DOK5: variants seen among roughly 807,000 people sequenced by gnomAD.
DOK5 encodes the protein downstream of tyrosine kinase 5.
DOK5 carries 27 observed loss-of-function variants against 43.3 expected under a neutral mutation model. The observed-to-expected ratio is 0.62, with a 90% CI of 0.46 to 0.86. The LOEUF is 0.86. Among genes scored for constraint, DOK5 ranks in the 40% least tolerant of loss-of-function variants. DOK5 has a pLI of 0.00. For synonymous variants in DOK5, 146 were observed against 140.1 expected (o/e 1.04, Z -0.30); for missense variants, 373 against 392.9 (o/e 0.95, Z 0.43).
intron 5 of DOK5, among the ~76,000 whole-genome samples, chr20:54,607,641 C>T (rs376328075): frequency 1.3e-5 from 2 of 151,620 alleles, no homozygotes; most frequent in East Asian, 3.9e-4. Context: ...AATCCCAGCA[C>T]TTTGGGAGGC....
intron 1 of DOK5, among the ~76,000 whole-genome samples, chr20:54,539,669 A>G (rs1047110408): frequency 5.3e-5 from 8 of 152,200 alleles, no homozygotes; most frequent in African/African-American, 1.4e-4. Context: ...ATCAGACGCC[A>G]TGAGCCACAG....
chr20:54,608,132 G>T (rs926290802), intron 5 of DOK5, among the ~76,000 whole-genome samples: 12 of 152,172 alleles, frequency 7.9e-5, no homozygotes, highest in South Asian at 6.2e-4. Context: ...CAAAGACTTT[G>T]AAAGCAACTA....
intron 5 of DOK5, among the ~76,000 whole-genome samples, chr20:54,609,151 A>G (rs912754747): frequency 2.0e-5 from 3 of 152,186 alleles, no homozygotes; most frequent in African/African-American, 4.8e-5. Context: ...TATTGCATTA[A>G]CTGCATAGAC....
intron 5 of DOK5, among the ~76,000 whole-genome samples, chr20:54,603,395 C>T (rs943009072): frequency 2.2e-4 from 33 of 152,222 alleles, no homozygotes; most frequent in African/African-American, 8.0e-4. Flanking sequence ...GTGATTGGAA[C>T]AGGAAAGACA....
At chr20:54,525,814 C>T (rs770241618) in intron 1 of DOK5, among the ~76,000 whole-genome samples, 3 of 152,226 alleles carry the variant, frequency 2.0e-5, no homozygotes, top group East Asian at 3.9e-4. Flanking sequence ...CTTTGATCTC[C>T]GCTGAAATGA....
chr20:54,606,781 G>A lies in DOK5; in HGVS notation c.600-3607G>A, dbSNP rs1222705422. Among the ~76,000 whole-genome samples the A allele has an allele frequency of 7.2e-5, 11 of 152,280 alleles. No homozygotes were observed. In the South Asian group the frequency reaches 1.2e-3, roughly 17 times the overall value. On this transcript the variant is annotated intron_variant, in intron 5 of 7. Transcript: ENST00000262593. ...GAGACCTGATGGAAGAGCATCTGAAGGTCAGTTTGTGGTCATTAGCATCTT... is the reference window on the plus strand; with the variant it reads ...GAGACCTGATGGAAGAGCATCTGAAAGTCAGTTTGTGGTCATTAGCATCTT...
At chr20:54,580,314 T>C (rs759413111) in intron 2 of DOK5, among the ~76,000 whole-genome samples, 16 of 152,170 alleles carry the variant, frequency 1.1e-4, no homozygotes, top group Non-Finnish European at 1.6e-4. Flanking sequence ...AACATGGAAG[T>C]GAAAAGATCT....
rs534883523 is a variant in DOK5, at chr20:54,504,131, A to G, written c.66+28119A>G. On this transcript the variant is annotated intron_variant, in intron 1 of 7. Coordinates refer to ENST00000262593, the MANE Select transcript of DOK5 (RefSeq NM_018431.5). ...GGGAAGCTCACCTTCACCTTCCCAC[A>G]TCCTACAATATGGCTAACTTTGTCC... is the stretch of plus-strand genomic sequence containing the variant. 2.6e-5 allele frequency among the ~76,000 whole-genome samples: 4 copies of G among 152,170 alleles called. No individual in the cohort carries two copies. In the East Asian group the frequency reaches 5.8e-4, roughly 22 times the overall value.
At chr20:54,552,240 C>T (rs1160074181) in intron 1 of DOK5, among the ~76,000 whole-genome samples, 2 of 152,086 alleles carry the variant, frequency 1.3e-5, no homozygotes, top group Non-Finnish European at 2.9e-5. Context: ...TTTTCCAATG[C>T]ATTTTTAGTA....
At chr20:54,521,954 C>G (rs1483125130) in intron 1 of DOK5, among the ~76,000 whole-genome samples, 1 of 152,208 alleles carries the variant, frequency 6.6e-6, no homozygotes, top group Non-Finnish European at 1.5e-5. Flanking sequence ...AGATGAAATA[C>G]ATGTTTCTTG....
intron 6 of DOK5, among the ~76,000 whole-genome samples, chr20:54,624,847 C>A (rs941234363): frequency 6.6e-6 from 1 of 152,104 alleles, no homozygotes; most frequent in Non-Finnish European, 1.5e-5. Flanking sequence ...GAAATTTGGC[C>A]CCAAATGGTT....
At chr20:54,633,643 C>T (rs939108312) in intron 6 of DOK5, among the ~76,000 whole-genome samples, 2 of 152,100 alleles carry the variant, frequency 1.3e-5, no homozygotes, top group Non-Finnish European at 2.9e-5. Flanking sequence ...CTTTAGGGCC[C>T]AGGTTGAATG....
intron 1 of DOK5, among the ~76,000 whole-genome samples, chr20:54,516,812 T>C (rs1983212876): frequency 6.6e-6 from 1 of 152,224 alleles, no homozygotes; most frequent in Non-Finnish European, 1.5e-5. Flanking sequence ...CCTCAAAGAA[T>C]TTACAGTCTA....
At chr20:54,540,129 C>A (rs1412268097) in intron 1 of DOK5, among the ~76,000 whole-genome samples, 1 of 151,852 alleles carries the variant, frequency 6.6e-6, no homozygotes. Context: ...CTTTGGAAGC[C>A]CCAGGGAGAT....
intron 1 of DOK5, among the ~76,000 whole-genome samples, chr20:54,541,877 C>A (rs116640652): frequency 6.6e-6 from 1 of 152,090 alleles, no homozygotes; most frequent in African/African-American, 2.4e-5. Flanking sequence ...TGACTCAAGG[C>A]CATTTATTTC....
At chr20:54,546,921 T>C (rs1984367584) in intron 1 of DOK5, among the ~76,000 whole-genome samples, 1 of 152,080 alleles carries the variant, frequency 6.6e-6, no homozygotes, top group African/African-American at 2.4e-5. Context: ...AGTCAACATT[T>C]TAATAGAGTT....
At chr20:54,520,958 C>T (rs1983371888) in intron 1 of DOK5, among the ~76,000 whole-genome samples, 3 of 151,992 alleles carry the variant, frequency 2.0e-5, no homozygotes, top group Non-Finnish European at 4.4e-5. Flanking sequence ...CTTGCTTTTT[C>T]TTAATTATGG....
rs142709528 is a variant in DOK5, at chr20:54,589,572, G to T, written c.409+766G>T. Reference sequence around the variant, plus strand: ...GGAATCATTCCTTTGTCTCCTAACAGCTGAGCCTGGGGACGGGGTAGATCA... The same window carrying T: ...GGAATCATTCCTTTGTCTCCTAACATCTGAGCCTGGGGACGGGGTAGATCA... On this transcript the variant is annotated intron_variant, in intron 4 of 7. Transcript: ENST00000262593. Among the ~76,000 whole-genome samples the T allele has an allele frequency of 3.7e-3, 562 of 152,266 alleles. 3 individuals are homozygous for T. The highest frequency in any genetic ancestry group is 0.013 in the African/African-American group (552 of 41,560).
intron 5 of DOK5, among the ~76,000 whole-genome samples, chr20:54,607,701 G>A (rs1459539762): frequency 1.3e-5 from 2 of 151,906 alleles, no homozygotes; most frequent in African/African-American, 4.8e-5. Context: ...CGGCCAAAAT[G>A]GTGAAACCCC....
Sources: allele counts gnomAD v4.1 joint callset (sites outside exome capture counted in the v4.1 genomes callset), GRCh38; gene constraint gnomAD v4.1.1; transcripts MANE v1.5; gene names NCBI Gene and HGNC (gene_info 2026-07-23, HGNC 2026-07-21).